Variants in ARHGAP15 observed in about 807,000 individuals in gnomAD.
The protein encoded by ARHGAP15 is rho GTPase-activating protein 15.
Under a neutral mutation model 63.7 loss-of-function variants are expected in ARHGAP15, and 51 were observed. That is an observed-to-expected ratio of 0.80 (90% CI 0.64 to 1.01). The LOEUF is 1.01. ARHGAP15 is among the 50% of genes least tolerant of loss of function. The pLI is 0.00. For synonymous variants in ARHGAP15, 191 were observed against 193.8 expected, an observed-to-expected ratio of 0.99 and a Z score of 0.12; for missense variants, 560 against 564.6, an observed-to-expected ratio of 0.99 and a Z score of 0.08.
At chr2:143,589,030 G>GA (rs1456626513) in intron 11 of ARHGAP15, among the ~76,000 whole-genome samples, 1 of 152,036 alleles carries the variant, frequency 6.6e-6, no homozygotes, top group Non-Finnish European at 1.5e-5. Context: ...AACTAGGCAT[G>GA]AAAAAAACTC....
chr2:143,389,095 T>G (rs2104962335), intron 6 of ARHGAP15, among the ~76,000 whole-genome samples: 1 of 147,340 alleles, frequency 6.8e-6, no homozygotes, highest in Admixed American at 6.9e-5. Context: ...TTTTCTGTTC[T>G]TTTACTCAGA....
chr2:143,672,231 C>T (rs1682563069), intron 12 of ARHGAP15, among the ~76,000 whole-genome samples: 1 of 151,976 alleles, frequency 6.6e-6, no homozygotes, highest in Admixed American at 6.6e-5. Flanking sequence ...AAGTAAAGCA[C>T]TGAGATATAG....
chr2:143,389,089 C>G (rs1687426613), intron 6 of ARHGAP15, among the ~76,000 whole-genome samples: 1 of 128,216 alleles, frequency 7.8e-6, no homozygotes, highest in African/African-American at 3.0e-5. Context: ...TTTCTATTTT[C>G]TGTTCTTTTA....
chr2:143,458,140 C>T (rs983115710), intron 8 of ARHGAP15, among the ~76,000 whole-genome samples: 4 of 152,044 alleles, frequency 2.6e-5, no homozygotes, highest in African/African-American at 9.7e-5. Context: ...AATATTTGAA[C>T]ATACATCTTC....
rs1254967791 is a variant in ARHGAP15, at chr2:143,413,960, T to TGCGCGC, written c.475-21640_475-21639insCGCGCG. ...GTGTGTGTGTGTGTGTGTGTGTGTG[T>TGCGCGC]GTGTGTGCGCGCTCTCTGGCAGAAA... On this transcript the variant is annotated intron_variant, in intron 6 of 13. Coordinates refer to ENST00000295095, the MANE Select transcript of ARHGAP15 (RefSeq NM_018460.4). 3.4e-4 allele frequency among the ~76,000 whole-genome samples: 22 copies of TGCGCGC among 64,432 alleles called. 1 individual carries two copies. Among genetic ancestry groups the TGCGCGC allele is most frequent in the South Asian group, 1.8e-3 (3 of 1,644 alleles). 42.3% of individuals were successfully genotyped at this position (64,432 alleles called of 152,430 possible).
chr2:143,273,593 A>G (rs1681403616), intron 6 of ARHGAP15, among the ~76,000 whole-genome samples: 1 of 152,168 alleles, frequency 6.6e-6, no homozygotes, highest in Admixed American at 6.5e-5. Context: ...AATATATTAC[A>G]AATAAAAAAT....
At chr2:143,558,374 C>T (rs1487725932) in intron 11 of ARHGAP15, among the ~76,000 whole-genome samples, 1 of 152,082 alleles carries the variant, frequency 6.6e-6, no homozygotes, top group Non-Finnish European at 1.5e-5. Flanking sequence ...ATTCAATAAG[C>T]CTCCAGTCAG....
At chr2:143,248,262 A>G (rs993985676) in intron 5 of ARHGAP15, among the ~76,000 whole-genome samples, 4 of 152,182 alleles carry the variant, frequency 2.6e-5, no homozygotes, top group African/African-American at 9.6e-5. Flanking sequence ...GAACTGAAGG[A>G]TAAGAAGGAG....
chr2:143,596,516 A>G (rs1391441904), intron 11 of ARHGAP15, among the ~76,000 whole-genome samples: 1 of 152,146 alleles, frequency 6.6e-6, no homozygotes, highest in African/African-American at 2.4e-5. Context: ...GTCACCCTAT[A>G]TGATGATCAC....
intron 11 of ARHGAP15, among the ~76,000 whole-genome samples, chr2:143,611,453 C>T (rs1698250975): frequency 6.6e-6 from 1 of 152,104 alleles, no homozygotes; most frequent in African/African-American, 2.4e-5. Flanking sequence ...TTATAAAATC[C>T]GTGAATACTA....
intron 5 of ARHGAP15, among the ~76,000 whole-genome samples, 153 bp from the exon 6 acceptor site, chr2:143,250,358 G>C (rs1378589500): frequency 6.6e-6 from 1 of 151,890 alleles, no homozygotes; most frequent in Non-Finnish European, 1.5e-5. Flanking sequence ...GGTCCCAAAT[G>C]AAAATTCCTA....
chr2:143,547,685 C>T (rs1695389504), intron 10 of ARHGAP15, among the ~76,000 whole-genome samples: 1 of 142,868 alleles, frequency 7.0e-6, no homozygotes, highest in Admixed American at 7.0e-5. Flanking sequence ...GGAGGGATGA[C>T]TTTTTTTTTT....
chr2:143,349,078 G>T (rs1685440901), intron 6 of ARHGAP15, among the ~76,000 whole-genome samples: 1 of 152,158 alleles, frequency 6.6e-6, no homozygotes, highest in Admixed American at 6.6e-5. Context: ...GGACTCTTAA[G>T]ATTATCAAGT....
chr2:143,691,830 T>A (rs543154272), intron 12 of ARHGAP15, among the ~76,000 whole-genome samples: 1 of 152,214 alleles, frequency 6.6e-6, no homozygotes, highest in African/African-American at 2.4e-5. Flanking sequence ...CCATTGCAGA[T>A]TGGCTGTTTT....
intron 12 of ARHGAP15, among the ~76,000 whole-genome samples, chr2:143,661,308 T>G (rs1465089217): frequency 6.6e-6 from 1 of 152,194 alleles, no homozygotes; most frequent in East Asian, 1.9e-4. Flanking sequence ...AGGGCCATCA[T>G]CATTGAAGGT....
intron 6 of ARHGAP15, among the ~76,000 whole-genome samples, chr2:143,405,275 T>A (rs1688151090): frequency 1.3e-5 from 2 of 151,894 alleles, no homozygotes; most frequent in Admixed American, 1.3e-4. Flanking sequence ...CAGGTGTTTT[T>A]TTTTTCTGCT....
At chr2:143,632,898 G>C (rs965368944) in intron 12 of ARHGAP15, among the ~76,000 whole-genome samples, 22 of 152,052 alleles carry the variant, frequency 1.4e-4, no homozygotes, top group African/African-American at 4.8e-4. Context: ...CACTCTTTAG[G>C]AGAAAAGAAA....
intron 2 of ARHGAP15, among the ~76,000 whole-genome samples, chr2:143,159,088 A>G (rs1247230127): frequency 6.6e-6 from 1 of 151,890 alleles, no homozygotes; most frequent in Non-Finnish European, 1.5e-5. Flanking sequence ...TCCATCTTGT[A>G]AACGCCACAG....
At chr2:143,300,365 C>T (rs1682840764) in intron 6 of ARHGAP15, among the ~76,000 whole-genome samples, 1 of 151,984 alleles carries the variant, frequency 6.6e-6, no homozygotes, top group African/African-American at 2.4e-5. Context: ...TATATGAAAA[C>T]TTAGTAAACT....
Sources: allele counts gnomAD v4.1 joint callset (sites outside exome capture counted in the v4.1 genomes callset), GRCh38; gene constraint gnomAD v4.1.1; transcripts MANE v1.5; gene names NCBI Gene and HGNC (gene_info 2026-07-23, HGNC 2026-07-21).